The following KLHL29 variants were observed in gnomAD, a reference collection of about 807,000 sequenced individuals.
The protein encoded by KLHL29 is kelch like family member 29.
A neutral mutation model predicts 80.4 loss-of-function variants in KLHL29; 21 were observed. That is an observed-to-expected ratio of 0.26 (90% CI 0.19 to 0.38). The LOEUF is 0.38. Among genes scored for constraint, KLHL29 ranks in the 10% least tolerant of loss-of-function variants. The pLI is 1.00. For synonymous variants in KLHL29, 511 were observed against 526.8 expected (o/e 0.97, Z 0.41); for missense variants, 867 against 1,223.9 (o/e 0.71, Z 4.35).
At chr2:23,528,099 A>G (rs1159954989) in intron 2 of KLHL29, among the ~76,000 whole-genome samples, 1 of 152,228 alleles carries the variant, frequency 6.6e-6, no homozygotes, top group Non-Finnish European at 1.5e-5. Context: ...GAAGAAATTA[A>G]TTTTAGTCTT....
In KLHL29 at chr2:23,681,333, CA is replaced by C. The variant is rs1389808611; in HGVS notation, c.941-3065del. Among the ~76,000 whole-genome samples the C allele has an allele frequency of 6.6e-6, 1 of 152,230 alleles. No homozygotes were observed. Among genetic ancestry groups the C allele is most frequent in the Non-Finnish European group, 1.5e-5 (1 of 68,042 alleles). Reference sequence around the variant, plus strand: ...AGTGAGATTCAGAGAGAGCAGAAAGCACCTACATTAGGATGGGGACACCTGA... The same window carrying C: ...AGTGAGATTCAGAGAGAGCAGAAAGCCCTACATTAGGATGGGGACACCTGA... On this transcript the variant is annotated intron_variant, in intron 5 of 13. Transcript: ENST00000486442. This position sits in a 1 kb window ranked among gnomAD's most constrained non-coding sequence, Gnocchi z 4.2.
At chr2:23,451,239 G>T (rs1489883513) in intron 1 of KLHL29, among the ~76,000 whole-genome samples, 1 of 152,132 alleles carries the variant, frequency 6.6e-6, no homozygotes, top group Non-Finnish European at 1.5e-5. Flanking sequence ...GAGAATTCCA[G>T]TGATCACTCC....
chr2:23,530,954 G>C lies in KLHL29; in HGVS notation c.-45-31198G>C, dbSNP rs1175618043. Among the ~76,000 whole-genome samples the C allele has an allele frequency of 2.0e-5, 3 of 152,258 alleles. No individual in the cohort carries two copies. In the East Asian group the frequency reaches 5.8e-4, roughly 29 times the overall value. On this transcript the variant is annotated intron_variant, in intron 2 of 13. Coordinates refer to ENST00000486442, the MANE Select transcript of KLHL29 (RefSeq NM_052920.2). The stretch of plus-strand genomic sequence containing the variant: ...GTCTGGAAGGATGCAGACATGGGCA[G>C]AGTCTCCCCAGAGTTGAAAAGTAGG...
chr2:23,587,884 T>C (rs906039487), intron 3 of KLHL29, among the ~76,000 whole-genome samples: 8 of 152,234 alleles, frequency 5.3e-5, no homozygotes, highest in Admixed American at 4.6e-4. Flanking sequence ...TTTATTGTTA[T>C]GGACTAATAA....
intron 2 of KLHL29, among the ~76,000 whole-genome samples, chr2:23,509,978 CA>C (rs1665719881): frequency 6.6e-6 from 1 of 151,970 alleles, no homozygotes; most frequent in Non-Finnish European, 1.5e-5. Flanking sequence ...ATTTATATTC[CA>C]AAAAAGATTT....
chr2:23,706,884 CCGCCATGGGGCT>C lies in KLHL29; in HGVS notation c.*221_*232del, dbSNP rs1558454775. Reference sequence around the variant, plus strand: ...GCTTGGAGCCGCAGGAACCACGATCCCGCCATGGGGCTGGCTGCCTCCTGAACAGGGGCGCTC... The same window carrying C: ...GCTTGGAGCCGCAGGAACCACGATCCGGCTGCCTCCTGAACAGGGGCGCTC... On this transcript the variant is annotated 3_prime_UTR_variant, in exon 14 of 14. Coordinates refer to ENST00000486442, the MANE Select transcript of KLHL29 (RefSeq NM_052920.2). 1 of 470,502 alleles carries C rather than the reference CCGCCATGGGGCT, an allele frequency of 2.1e-6. No individual in the cohort carries two copies. Among genetic ancestry groups the C allele is most frequent in the East Asian group, 3.7e-5 (1 of 27,312 alleles). The allele number at this position is 470,502 out of a possible 1,614,324, so 29.1% of individuals were successfully genotyped here.
rs563241808 is a variant in KLHL29 at position 23,698,684 on chromosome 2, A to ATTT, written c.2105+2173_2105+2175dup. 1.7e-4 allele frequency among the ~76,000 whole-genome samples: 26 copies of ATTT among 152,316 alleles called. 1 individual carries two copies. In the South Asian group the frequency reaches 5.2e-3, roughly 30 times the overall value. Reference sequence around the variant, plus strand: ...CATTATATAAATAACCGGGTCTAATATTTTATAGCAATATATTGCAGTCAC... The same window carrying ATTT: ...CATTATATAAATAACCGGGTCTAATATTTTTTTATAGCAATATATTGCAGTCAC... On this transcript the variant is annotated intron_variant, in intron 11 of 13. Coordinates refer to ENST00000486442, the MANE Select transcript of KLHL29 (RefSeq NM_052920.2).
chr2:23,465,833 C>T (rs563516125), intron 1 of KLHL29, among the ~76,000 whole-genome samples: 1 of 152,296 alleles, frequency 6.6e-6, no homozygotes, highest in South Asian at 2.1e-4. Flanking sequence ...AGAAACTCTC[C>T]TCCTCTGGCC....
intron 2 of KLHL29, among the ~76,000 whole-genome samples, chr2:23,552,325 T>C (rs1667151567): frequency 6.6e-6 from 1 of 152,206 alleles, no homozygotes; most frequent in South Asian, 2.1e-4. Flanking sequence ...TTTGATGGTT[T>C]GGGGGATGGG....
At chr2:23,394,204 T>C (rs984291898) in intron 1 of KLHL29, among the ~76,000 whole-genome samples, 1 of 152,218 alleles carries the variant, frequency 6.6e-6, no homozygotes, top group Non-Finnish European at 1.5e-5. Context: ...CAATCTTCCC[T>C]TTCTCCTTTA....
intron 1 of KLHL29, among the ~76,000 whole-genome samples, chr2:23,400,853 A>C (rs930223879): frequency 6.6e-6 from 1 of 152,144 alleles, no homozygotes; most frequent in Non-Finnish European, 1.5e-5. Flanking sequence ...TGGGAGGGGG[A>C]AAGCTACACC....
chr2:23,466,722 G>A (rs988418496), intron 1 of KLHL29, among the ~76,000 whole-genome samples: 2 of 152,172 alleles, frequency 1.3e-5, no homozygotes, highest in African/African-American at 2.4e-5. Flanking sequence ...TCTTTTAAAT[G>A]TACATATAAA....
chr2:23,548,311 A>C (rs1043356005), intron 2 of KLHL29, among the ~76,000 whole-genome samples: 6 of 151,392 alleles, frequency 4.0e-5, no homozygotes, highest in African/African-American at 1.5e-4. Context: ...AGGCACACAC[A>C]CACACAGACA....
chr2:23,457,564 C>G lies in KLHL29; in HGVS notation c.-153-17996C>G, dbSNP rs1223152776. 6.6e-6 allele frequency among the ~76,000 whole-genome samples: 1 copy of G among 152,182 alleles called. No homozygotes were observed. Among genetic ancestry groups the G allele is most frequent in the Admixed American group, 6.5e-5 (1 of 15,276 alleles). ...GGGGGTGCCTCTGGAATTCCCTGTT[C>G]TGCTTTTAGGAGTGTCACAAGGATT... On this transcript the variant is annotated intron_variant, in intron 1 of 13. Transcript: ENST00000486442. This position sits in a 1 kb window ranked among gnomAD's most constrained non-coding sequence, Gnocchi z 4.3.
intron 1 of KLHL29, among the ~76,000 whole-genome samples, chr2:23,453,468 C>G (rs1663948190): frequency 6.6e-6 from 1 of 152,262 alleles, no homozygotes; most frequent in African/African-American, 2.4e-5. Context: ...GCAGCATTTT[C>G]CTTCCTGCCA....
intron 1 of KLHL29, among the ~76,000 whole-genome samples, chr2:23,386,429 G>GAC (rs1368392538): frequency 6.6e-6 from 1 of 152,194 alleles, no homozygotes; most frequent in Non-Finnish European, 1.5e-5. Flanking sequence ...ACCCCACCCC[G>GAC]ACACACACAC....
chr2:23,518,767 C>T, intron 2 of KLHL29, among the ~76,000 whole-genome samples: 1 of 152,178 alleles, frequency 6.6e-6, no homozygotes, highest in Admixed American at 6.5e-5. Flanking sequence ...CCATCCCCTG[C>T]CCTCCACAGT....
intron 1 of KLHL29, among the ~76,000 whole-genome samples, chr2:23,420,692 G>C (rs560939307): frequency 1.3e-5 from 2 of 152,322 alleles, no homozygotes; most frequent in South Asian, 4.1e-4. Context: ...TGTCTGCAGA[G>C]TGCCTGCTGG....
intron 3 of KLHL29, among the ~76,000 whole-genome samples, chr2:23,623,354 T>G (rs561182161): frequency 6.6e-6 from 1 of 152,124 alleles, no homozygotes; most frequent in African/African-American, 2.4e-5. Flanking sequence ...AGGAGGACAG[T>G]CCGCTGTCTG....
Sources: allele counts gnomAD v4.1 joint callset (sites outside exome capture counted in the v4.1 genomes callset), GRCh38; gene constraint gnomAD v4.1.1; non-coding constraint Gnocchi (gnomAD v3.1); transcripts MANE v1.5; gene names NCBI Gene and HGNC (gene_info 2026-07-23, HGNC 2026-07-21).